KCNH7: variants seen among roughly 807,000 people sequenced by gnomAD.
KCNH7 encodes the protein potassium voltage-gated channel subfamily H member 7.
KCNH7 carries 49 observed loss-of-function variants against 120.8 expected under a neutral mutation model. That is an observed-to-expected ratio of 0.41 (90% CI 0.32 to 0.51). The LOEUF (loss-of-function observed/expected upper bound fraction) is 0.51. KCNH7 is among the 20% of genes least tolerant of loss of function. The pLI, the probability that KCNH7 is intolerant of heterozygous loss-of-function variation, is 0.38. For synonymous variants in KCNH7, 547 were observed against 516.1 expected, an observed-to-expected ratio of 1.06 and a Z score of -0.81; for missense variants, 1,097 against 1,446.6, an observed-to-expected ratio of 0.76 and a Z score of 3.92.
rs139189364 is a variant in KCNH7 at position 162,392,322 on chromosome 2, A to T, written c.2710+2067T>A. Among the ~76,000 whole-genome samples the T allele has an allele frequency of 2.6e-3, 394 of 151,748 alleles. 4 individuals carry two copies. The highest frequency in any genetic ancestry group is 8.9e-3 in the African/African-American group (369 of 41,436). ...TGTGTGTATGTGTGTGTTTTTGAGG[A>T]CAAGGAAGCAAATTAATTAAGGGAA... is the stretch of plus-strand genomic sequence containing the variant. On this transcript the variant is annotated intron_variant, in intron 12 of 15. Coordinates refer to ENST00000332142, the MANE Select transcript of KCNH7 (RefSeq NM_033272.4).
In KCNH7 at chr2:162,682,417, CAGAGAGAG is replaced by C. The variant is rs35747306; in HGVS notation, c.308-145345_308-145338del. Among the ~76,000 whole-genome samples, 32 of 147,250 alleles carry C rather than the reference CAGAGAGAG, an allele frequency of 2.2e-4. No individual in the cohort carries two copies. The South Asian group carries it at 2.4e-3, about 11-fold the overall frequency. ...GTCTAGTTGTCCTGAGAGACAGAGA[CAGAGAGAG>C]AGAGAGAGAGAGAGAGACTATAAAA... On this transcript the variant is annotated intron_variant, in intron 2 of 15. Transcript: ENST00000332142.
At chr2:162,779,751 G>A (rs945865318) in intron 2 of KCNH7, among the ~76,000 whole-genome samples, 4 of 152,058 alleles carry the variant, frequency 2.6e-5, no homozygotes, top group Admixed American at 2.0e-4. Flanking sequence ...AGCCAACCAC[G>A]CTCCCTCATG....
At chr2:162,576,380 G>A (rs1693671139) in intron 2 of KCNH7, among the ~76,000 whole-genome samples, 1 of 152,024 alleles carries the variant, frequency 6.6e-6, no homozygotes, top group South Asian at 2.1e-4. Flanking sequence ...TTTGGGGATA[G>A]TGAGAAGGAA....
At chr2:162,515,647 G>A (rs1691259311) in intron 4 of KCNH7, among the ~76,000 whole-genome samples, 1 of 151,718 alleles carries the variant, frequency 6.6e-6, no homozygotes, top group South Asian at 2.1e-4. Flanking sequence ...ATTTATTGTT[G>A]CTGTTTAGCC....
chr2:162,483,116 T>C (rs1689983318), intron 6 of KCNH7, among the ~76,000 whole-genome samples: 1 of 152,186 alleles, frequency 6.6e-6, no homozygotes, highest in South Asian at 2.1e-4. Context: ...ATATTCCTGA[T>C]TTTAACGTAT....
chr2:162,470,239 C>G (rs1213144726), intron 6 of KCNH7, among the ~76,000 whole-genome samples: 1 of 150,494 alleles, frequency 6.6e-6, no homozygotes, highest in Non-Finnish European at 1.5e-5. Context: ...TCTGCCCGGC[C>G]GCCATCCCAT....
chr2:162,779,478 C>A (rs527684679), intron 2 of KCNH7, among the ~76,000 whole-genome samples: 1 of 152,242 alleles, frequency 6.6e-6, no homozygotes, highest in African/African-American at 2.4e-5. Flanking sequence ...GAATTACAGG[C>A]GTGAGCCACC....
At chr2:162,375,488 A>G (rs1252424547) in intron 14 of KCNH7, among the ~76,000 whole-genome samples, 2 of 152,198 alleles carry the variant, frequency 1.3e-5, no homozygotes, top group South Asian at 2.1e-4. Context: ...GCACACTGCC[A>G]TGAGTGGGAC....
At chr2:162,828,273 C>A (rs187020005) in intron 2 of KCNH7, among the ~76,000 whole-genome samples, 60 of 152,158 alleles carry the variant, frequency 3.9e-4, no homozygotes, top group African/African-American at 1.4e-3. Context: ...TCTTTTTTAG[C>A]ACAAATGGAT....
intron 9 of KCNH7, among the ~76,000 whole-genome samples, chr2:162,412,695 G>A (rs1222389516): frequency 6.6e-6 from 1 of 152,062 alleles, no homozygotes; most frequent in Non-Finnish European, 1.5e-5. Flanking sequence ...AATAGAACAT[G>A]ACTTTCTGGA....
At chr2:162,380,869 CT>C (rs1686394805) in intron 13 of KCNH7, among the ~76,000 whole-genome samples, 1 of 152,048 alleles carries the variant, frequency 6.6e-6, no homozygotes, top group Non-Finnish European at 1.5e-5. Context: ...GTTGTGATCC[CT>C]TTTCATATAC....
chr2:162,509,571 T>C (rs1258086078), intron 5 of KCNH7, among the ~76,000 whole-genome samples: 8 of 151,672 alleles, frequency 5.3e-5, no homozygotes, highest in African/African-American at 1.9e-4. Flanking sequence ...GTTTAGCACT[T>C]AGAAAAATGC....
At position 162,810,177 on chromosome 2, in the gene KCNH7, AG is replaced by A. The variant is rs1684689800; in HGVS notation, c.307+26359del. 3.4e-5 allele frequency among the ~76,000 whole-genome samples: 5 copies of A among 148,488 alleles called. 1 individual carries two copies. Among genetic ancestry groups the A allele is most frequent in the East Asian group, 2.0e-4 (1 of 4,988 alleles). ...TGATCCGCCCGCCTCGGCCTCCCAA[AG>A]TGCTGGGATTACAGGCGTGAGCCAC... On this transcript the variant is annotated intron_variant, in intron 2 of 15. Coordinates refer to ENST00000332142, the MANE Select transcript of KCNH7 (RefSeq NM_033272.4).
chr2:162,493,485 C>G (rs1690395072), intron 6 of KCNH7, among the ~76,000 whole-genome samples: 1 of 152,116 alleles, frequency 6.6e-6, no homozygotes, highest in Non-Finnish European at 1.5e-5. Flanking sequence ...CTAAAGTATG[C>G]AGGTCAGATA....
chr2:162,421,637 G>T (rs1687711549), intron 9 of KCNH7, among the ~76,000 whole-genome samples: 1 of 152,150 alleles, frequency 6.6e-6, no homozygotes, highest in African/African-American at 2.4e-5. Flanking sequence ...GGTGGGTGTT[G>T]TGATTCCATT....
At chr2:162,578,684 C>T (rs868789987) in intron 2 of KCNH7, among the ~76,000 whole-genome samples, 1 of 152,180 alleles carries the variant, frequency 6.6e-6, no homozygotes, top group Admixed American at 6.6e-5. Context: ...TTGGAGAGAT[C>T]ATGCTTATTC....
At chr2:162,559,054 C>CAAAAAAAAAAAAAAAAAAAAAAAAAAAAA (rs780823559) in intron 2 of KCNH7, among the ~76,000 whole-genome samples, 4 of 37,148 alleles carry the variant, frequency 1.1e-4, no homozygotes, top group South Asian at 8.8e-4. Context: ...GACTCTGCCT[C>CAAAAAAAAAAAAAAAAAAAAAAAAAAAAA]AAAAAAAAAA....
chr2:162,380,120 T>C (rs1213482392), intron 13 of KCNH7, 99 bp from the exon 14 acceptor site: 9 of 1,404,232 alleles, frequency 6.4e-6, no homozygotes, highest in Non-Finnish European at 8.8e-6. Flanking sequence ...GATCGGAGTA[T>C]AACCTGAGAG....
At chr2:162,537,655 T>C (rs971011307) in intron 2 of KCNH7, among the ~76,000 whole-genome samples, 1 of 152,114 alleles carries the variant, frequency 6.6e-6, no homozygotes, top group African/African-American at 2.4e-5. Flanking sequence ...TTTTATTCTG[T>C]TAGAAAATAA....
Sources: allele counts gnomAD v4.1 joint callset (sites outside exome capture counted in the v4.1 genomes callset), GRCh38; gene constraint gnomAD v4.1.1; transcripts MANE v1.5; gene names NCBI Gene and HGNC (gene_info 2026-07-23, HGNC 2026-07-21).